Variants in TK2 observed in about 807,000 individuals in gnomAD.
TK2 encodes the protein thymidine kinase 2.
TK2 carries 35 observed loss-of-function variants against 41.9 expected under a neutral mutation model. The observed-to-expected ratio is 0.84, with a 90% CI of 0.64 to 1.11. The LOEUF (loss-of-function observed/expected upper bound fraction) is 1.11. TK2 is among the 50% of genes least tolerant of loss of function. The pLI, the probability that TK2 is intolerant of heterozygous loss-of-function variation, is 0.00. For missense variants in TK2, 320 were observed against 351.1 expected (o/e 0.91, Z 0.71); for synonymous variants, 128 against 129.1 (o/e 0.99, Z 0.06).
At chr16:66,539,321 G>A (rs1012972622) in intron 3 of TK2, among the ~76,000 whole-genome samples, 10 of 152,000 alleles carry the variant, frequency 6.6e-5, no homozygotes, top group South Asian at 4.2e-4. Context: ...AAAGGGGACC[G>A]GGCACGGTGG....
chr16:66,548,399 A>T (rs1285562174), intron 2 of TK2, among the ~76,000 whole-genome samples: 2 of 152,034 alleles, frequency 1.3e-5, no homozygotes, highest in African/African-American at 4.8e-5. Context: ...TGTGACCAAA[A>T]TATCACTCCC....
rs1252881799 is a variant in TK2 at position 66,513,732 on chromosome 16, A to G, written c.698T>C (p.Leu233Pro). 6.2e-7 allele frequency: 1 copy of G among 1,613,856 alleles called. No homozygotes were observed. Among genetic ancestry groups the G allele is most frequent in the East Asian group, 2.2e-5 (1 of 44,874 alleles). Residue 233 changes from leucine (L) to proline (P), a missense_variant and splice_region_variant, in exon 9 of 10, where the codon CTG becomes CCG. Transcript: ENST00000544898. The part of the protein sequence containing the change: ...GSLFPMAAPV[L>P]VIEADHHMER... ...ACCCTGTAAGGGAGTCTTACTTACC[A>G]GAACAGGGGCTGCCATGGGGAAAAG...
chr16:66,535,741 GC>G (rs1194935392), intron 4 of TK2, among the ~76,000 whole-genome samples: 2 of 152,194 alleles, frequency 1.3e-5, no homozygotes, highest in African/African-American at 4.8e-5. Context: ...TGGCTGACAT[GC>G]ACTGAATATT....
intron 8 of TK2, among the ~76,000 whole-genome samples, chr16:66,516,749 G>A (rs1964626456): frequency 6.6e-6 from 1 of 152,174 alleles, no homozygotes; most frequent in South Asian, 2.1e-4. Context: ...CAGTGAACAA[G>A]AGGGCTGGGT....
chr16:66,533,841 A>C (rs1399087638), intron 4 of TK2, among the ~76,000 whole-genome samples: 1 of 151,852 alleles, frequency 6.6e-6, no homozygotes, highest in Non-Finnish European at 1.5e-5. Context: ...TCCTGTCTCT[A>C]CTAAAAAATA....
At chr16:66,513,083 C>T (rs1404710401) in intron 9 of TK2, among the ~76,000 whole-genome samples, 1 of 152,184 alleles carries the variant, frequency 6.6e-6, no homozygotes, top group Non-Finnish European at 1.5e-5. Flanking sequence ...GCATCTGGGC[C>T]ACTGCTTATT....
In TK2 at chr16:66,517,163, G is replaced by A. The variant is rs528776721; in HGVS notation, c.591C>T (p.Cys197=). 8.1e-6 allele frequency: 13 copies of A among 1,614,152 alleles called. No individual in the cohort carries two copies. In the East Asian group the frequency reaches 1.1e-4, roughly 14 times the overall value. ...GCGGAATGACCTTCTCCTCTTCCCT[G>A]CATCTCTTCTTTAACCTCTGGTAAC... is the stretch of plus-strand genomic sequence containing the variant. ...ETCYQRLKKR[C]REEEKVIPLE... is the part of the protein sequence containing the mutation. The change falls in exon 8 of 10, where the codon TGC becomes TGT. Residue 197 remains cysteine, a synonymous_variant. Transcript: ENST00000544898. The surrounding 1 kb of genome is among the most constrained non-coding windows in gnomAD (Gnocchi z 4.3).
At chr16:66,549,832 G>A in intron 1 of TK2, 106 bp downstream of exon 1, 1 of 1,283,698 alleles carries the variant, frequency 7.8e-7, no homozygotes, top group South Asian at 2.7e-5. Context: ...GAAATCCCGC[G>A]CCTCGGAAGA....
intron 4 of TK2, among the ~76,000 whole-genome samples, chr16:66,532,856 T>C (rs1228373318): frequency 6.8e-6 from 1 of 147,978 alleles, no homozygotes; most frequent in Non-Finnish European, 1.5e-5. Context: ...TGACAGTCTT[T>C]GCAAAAATAG....
chr16:66,538,175 AAAAGT>A, intron 3 of TK2, among the ~76,000 whole-genome samples: 1 of 152,046 alleles, frequency 6.6e-6, no homozygotes, highest in East Asian at 1.9e-4. Flanking sequence ...AAAAGAAAAG[AAAAGT>A]AATCACCCCC....
rs1200441322 is a variant in TK2 at position 66,509,632 on chromosome 16, G to A, written c.*2336C>T. On this transcript the variant is annotated 3_prime_UTR_variant, in exon 10 of 10. Coordinates refer to ENST00000544898, the MANE Select transcript of TK2 (RefSeq NM_004614.5). ...GGAACTCCAGTCTCACAGCAAGGAT[G>A]AGGTGAGCCCAACATATCTGGAATG... The A allele has an allele frequency of 1.3e-5, 2 of 152,274 alleles. No individual in the cohort carries two copies. The highest frequency in any genetic ancestry group is 1.9e-4 in the East Asian group (1 of 5,198). 9.4% of individuals were successfully genotyped at this position (152,274 alleles called of 1,614,324 possible).
At chr16:66,515,491 C>T (rs1482147158) in intron 8 of TK2, among the ~76,000 whole-genome samples, 1 of 152,258 alleles carries the variant, frequency 6.6e-6, no homozygotes, top group African/African-American at 2.4e-5. Flanking sequence ...CTCGTGCTCT[C>T]CCAGGCACAG....
chr16:66,509,646 A>G lies in TK2; in HGVS notation c.*2322T>C, dbSNP rs895050637. 1.3e-5 allele frequency: 2 copies of G among 152,242 alleles called. No homozygotes were observed. The highest frequency in any genetic ancestry group is 4.8e-5 in the African/African-American group (2 of 41,448). The allele number at this position is 152,242 out of a possible 1,614,324, so 9.4% of individuals were successfully genotyped here. A position where few individuals can be genotyped will look rare whatever the true frequency, so the allele number is the denominator to read the frequency against. ...ACAGCAAGGATGAGGTGAGCCCAAC[A>G]TATCTGGAATGTCACTGCCCTGGGT... On this transcript the variant is annotated 3_prime_UTR_variant, in exon 10 of 10. Transcript: ENST00000544898.
chr16:66,547,875 G>A lies in TK2; in HGVS notation c.156+1103C>T, dbSNP rs376816178. 2.8e-3 allele frequency: 3,474 copies of A among 1,241,924 alleles called. 19 individuals carry two copies. The highest frequency in any genetic ancestry group is 3.5e-3 in the South Asian group (255 of 73,688). The allele number at this position is 1,241,924 out of a possible 1,614,324, so 76.9% of individuals were successfully genotyped here. ...ATGAACTAGCTATTGTGTGTCTGGG[G>A]GCACATCAAACCACACCCAAAAAGC... On this transcript the variant is annotated intron_variant, in intron 2 of 9. Transcript: ENST00000544898.
chr16:66,533,298 T>C (rs934343255), intron 4 of TK2, among the ~76,000 whole-genome samples: 3 of 134,876 alleles, frequency 2.2e-5, no homozygotes, highest in Admixed American at 1.7e-4. Context: ...ATCATGCCAC[T>C]GTACTCCAGC....
At chr16:66,542,799 T>C (rs1965496526) in intron 2 of TK2, among the ~76,000 whole-genome samples, 2 of 152,188 alleles carry the variant, frequency 1.3e-5, no homozygotes, top group South Asian at 2.1e-4. Context: ...TGGGACCTTT[T>C]AAAAATCTCT....
In TK2 at chr16:66,517,365, C is replaced by T. The variant is rs1964646377; in HGVS notation, c.539-150G>A. On this transcript the variant is annotated intron_variant, in intron 7 of 9. Transcript: ENST00000544898. This position sits in a 1 kb window ranked among gnomAD's most constrained non-coding sequence, Gnocchi z 4.3. Reference sequence around the variant, plus strand: ...TGGCTTGACCACTGACCCTCCGCCTCGACTTTCATTCTCTTTCAGTGTCAG... The same window carrying T: ...TGGCTTGACCACTGACCCTCCGCCTTGACTTTCATTCTCTTTCAGTGTCAG... 5.2e-6 allele frequency: 4 copies of T among 766,162 alleles called. No individual in the cohort carries two copies. Among genetic ancestry groups the T allele is most frequent in the East Asian group, 2.5e-5 (1 of 40,626 alleles). The allele number at this position is 766,162 out of a possible 1,614,324, so 47.5% of individuals were successfully genotyped here.
At chr16:66,530,230 C>A (rs139324185) in intron 5 of TK2, among the ~76,000 whole-genome samples, 171 of 152,312 alleles carry the variant, frequency 1.1e-3, no homozygotes, top group African/African-American at 3.8e-3. Context: ...GCTGCAGGTA[C>A]CCAGACTGGG....
Position 66,517,887 on chromosome 16 carries a change from G to A in TK2, c.450-10C>T. 1.2e-6 allele frequency: 2 copies of A among 1,611,882 alleles called. No individual in the cohort carries two copies. Among genetic ancestry groups the A allele is most frequent in the Middle Eastern group, 1.7e-4 (1 of 6,056 alleles). ...TTCTGGCATCTTCCCACTGCAATGA[G>A]AGTTGTAAGGGCTTATTCACCTAAG... is the stretch of plus-strand genomic sequence containing the variant. On this transcript the variant is annotated splice_polypyrimidine_tract_variant and intron_variant, in intron 6 of 9. Coordinates refer to ENST00000544898, the MANE Select transcript of TK2 (RefSeq NM_004614.5). This position sits in a 1 kb window ranked among gnomAD's most constrained non-coding sequence, Gnocchi z 4.3.
Sources: gnomAD v4.1 joint callset for allele counts (sites outside exome capture counted in the v4.1 genomes callset) on GRCh38, gnomAD v4.1.1 for gene constraint, Gnocchi (gnomAD v3.1) non-coding constraint, MANE v1.5 for transcripts, NCBI Gene and HGNC (gene_info 2026-07-23, HGNC 2026-07-21) for gene names.